COTL1: variants seen among roughly 807,000 people sequenced by gnomAD.
COTL1 encodes the protein coactosin-like protein.
A neutral mutation model predicts 16.5 loss-of-function variants in COTL1; 15 were observed. The ratio of observed to expected loss-of-function variants is 0.91; its 90% confidence interval spans 0.61 to 1.40. COTL1 has a LOEUF of 1.40. Among genes scored for constraint, COTL1 ranks in the 40% most tolerant of loss-of-function variants. The pLI is 0.00. For synonymous variants in COTL1, 112 were observed against 85.3 expected, an observed-to-expected ratio of 1.31 and a Z score of -1.73; for missense variants, 220 against 201.5, an observed-to-expected ratio of 1.09 and a Z score of -0.56.
At position 84,566,672 on chromosome 16, in the gene COTL1, G is replaced by C. The variant is rs1409783770; in HGVS notation, c.*173C>G. The C allele has an allele frequency of 5.3e-6, 3 of 568,320 alleles. No homozygotes were observed. Among genetic ancestry groups the C allele is most frequent in the African/African-American group, 3.8e-5 (2 of 52,978 alleles). The allele number at this position is 568,320 out of a possible 1,614,324, so 35.2% of individuals were successfully genotyped here. A position where few individuals can be genotyped will look rare whatever the true frequency, so the allele number is the denominator to read the frequency against. ...AGCGTCATGAGATAGGACACGGCAG[G>C]GTTCTAAGGGAAGCGGGAAGGTGGG... On this transcript the variant is annotated 3_prime_UTR_variant, in exon 4 of 4. Coordinates refer to ENST00000262428, the MANE Select transcript of COTL1 (RefSeq NM_021149.5).
chr16:84,572,099 A>T (rs893166887), intron 3 of COTL1, among the ~76,000 whole-genome samples: 4 of 152,240 alleles, frequency 2.6e-5, no homozygotes, highest in Non-Finnish European at 5.9e-5. Flanking sequence ...CTCCCATGAG[A>T]TAAGGGAGTT....
At chr16:84,612,819 T>C (rs2150697808) in intron 2 of COTL1, among the ~76,000 whole-genome samples, 1 of 152,216 alleles carries the variant, frequency 6.6e-6, no homozygotes, top group African/African-American at 2.4e-5. Flanking sequence ...GCTCTCATTT[T>C]AGGTGCATTA....
At chr16:84,591,359 A>G (rs531964376) in intron 2 of COTL1, among the ~76,000 whole-genome samples, 84 of 151,292 alleles carry the variant, frequency 5.6e-4, no homozygotes, top group Admixed American at 1.6e-3. Context: ...AATTTTTTGT[A>G]TTTTTAGTAG....
At chr16:84,610,345 G>A (rs9939637) in intron 2 of COTL1, among the ~76,000 whole-genome samples, 6,141 of 152,218 alleles carry the variant, frequency 0.04, 443 homozygotes, top group African/African-American at 0.14. Context: ...AAAGCTTCAG[G>A]CATGGCTGGA....
chr16:84,580,720 A>G (rs1904568924), intron 3 of COTL1, among the ~76,000 whole-genome samples: 4 of 152,200 alleles, frequency 2.6e-5, no homozygotes, highest in Admixed American at 2.6e-4. Context: ...TCATCTGTAT[A>G]TTGGGGTCAG....
At position 84,590,111 on chromosome 16, in the gene COTL1, G is replaced by A. The variant is rs754482793; in HGVS notation, c.312C>T (p.Val104=). 3 of 1,613,268 alleles carry A rather than the reference G, an allele frequency of 1.9e-6. No individual in the cohort carries two copies. Among genetic ancestry groups the A allele is most frequent in the Admixed American group, 3.3e-5 (2 of 59,962 alleles). ...CTCTGGAGGAACTCAGTACCTGTAC[G>A]ACCTCCTTCACCAGGGTCTTGTCCG... ...TGTDKTLVKE[V]VQNFAKEFVI... is the part of the protein sequence containing the mutation. Residue 104 remains valine (V), a synonymous_variant, in exon 3 of 4, where the codon GTC becomes GTT. Coordinates refer to ENST00000262428, the MANE Select transcript of COTL1 (RefSeq NM_021149.5). The surrounding 1 kb of genome is among the most constrained non-coding windows in gnomAD (Gnocchi z 5.5).
chr16:84,617,740 G>C (rs907084035), intron 1 of COTL1, 98 bp downstream of exon 1: 9 of 1,394,498 alleles, frequency 6.5e-6, no homozygotes, highest in South Asian at 2.5e-5. Flanking sequence ...AAGACAGCGC[G>C]GGAGGCCCGA....
At position 84,575,944 on chromosome 16, in the gene COTL1, T is replaced by C. The variant is rs186140295; in HGVS notation, c.319-8989A>G. 158 of 152,360 alleles carry C rather than the reference T, an allele frequency of 1.0e-3. 1 individual carries two copies. Among genetic ancestry groups the C allele is most frequent in the African/African-American group, 3.7e-3 (152 of 41,584 alleles). The allele number at this position is 152,360 out of a possible 1,614,324, so 9.4% of individuals were successfully genotyped here. On this transcript the variant is annotated intron_variant, in intron 3 of 3. Coordinates refer to ENST00000262428, the MANE Select transcript of COTL1 (RefSeq NM_021149.5). ...CGGAGTGCTCAACAGTCAGAGAGAA[T>C]GTTCTACAGGACTGTGGGTTCACCT...
Position 84,569,362 on chromosome 16 carries a change from T to C in COTL1, c.319-2407A>G, listed in dbSNP as rs376205079. Among the ~76,000 whole-genome samples, 22 of 152,216 alleles carry C rather than the reference T, an allele frequency of 1.4e-4. 1 individual carries two copies. The East Asian group carries it at 2.7e-3, about 19-fold the overall frequency. Reference sequence around the variant, plus strand: ...ATAAAAAGGTTCATTTTATGTTAAATGAATTCCACCACAATTAAAAAATAA... The same window carrying C: ...ATAAAAAGGTTCATTTTATGTTAAACGAATTCCACCACAATTAAAAAATAA... On this transcript the variant is annotated intron_variant, in intron 3 of 3. Coordinates refer to ENST00000262428, the MANE Select transcript of COTL1 (RefSeq NM_021149.5).
intron 3 of COTL1, chr16:84,567,691 GCAGT>G (rs1225972021): frequency 2.0e-5 from 3 of 152,314 alleles, no homozygotes; most frequent in Non-Finnish European, 4.4e-5. Flanking sequence ...CAAAATGGAT[GCAGT>G]CAGTCTTTCC....
At chr16:84,612,000 A>G (rs1244704466) in intron 2 of COTL1, among the ~76,000 whole-genome samples, 1 of 151,782 alleles carries the variant, frequency 6.6e-6, no homozygotes, top group South Asian at 2.1e-4. Context: ...TGAACCTGTG[A>G]CCCTCCAGCC....
intron 3 of COTL1, among the ~76,000 whole-genome samples, chr16:84,573,743 A>T (rs926904203): frequency 8.6e-5 from 6 of 69,882 alleles, no homozygotes; most frequent in Non-Finnish European, 1.5e-4. Context: ...TCTGTCTCAA[A>T]AAAAAAAAAA....
chr16:84,590,396 C>G lies in COTL1; in HGVS notation c.161-134G>C. 1 of 986,428 alleles carries G rather than the reference C, an allele frequency of 1.0e-6. No homozygotes were observed. Among genetic ancestry groups the G allele is most frequent in the Non-Finnish European group, 1.5e-6 (1 of 674,720 alleles). The allele number at this position is 986,428 out of a possible 1,614,324, so 61.1% of individuals were successfully genotyped here. ...AGACCGGTGCAGTTCCCTGGGAGCACCATGTGCAGAGGACAGGAGGGAAGC... is the reference window on the plus strand; with the variant it reads ...AGACCGGTGCAGTTCCCTGGGAGCAGCATGTGCAGAGGACAGGAGGGAAGC... On this transcript the variant is annotated intron_variant, in intron 2 of 3. Transcript: ENST00000262428. This position sits in a 1 kb window ranked among gnomAD's most constrained non-coding sequence, Gnocchi z 5.5.
rs1036468318 is a variant in COTL1 at position 84,566,520 on chromosome 16, A to C, written c.*325T>G. 4.4e-6 allele frequency: 1 copy of C among 225,984 alleles called. No individual in the cohort carries two copies. Among genetic ancestry groups the C allele is most frequent in the African/African-American group, 2.3e-5 (1 of 43,830 alleles). The allele number at this position is 225,984 out of a possible 1,614,324, so 14.0% of individuals were successfully genotyped here. On this transcript the variant is annotated 3_prime_UTR_variant, in exon 4 of 4. Transcript: ENST00000262428. ...CGTCGCGTGGAAGAGAAATGCCAGGAAAAGGGGTCACTGCAGGAGGCACCT... is the reference window on the plus strand; with the variant it reads ...CGTCGCGTGGAAGAGAAATGCCAGGCAAAGGGGTCACTGCAGGAGGCACCT...
chr16:84,600,583 G>C (rs1450580960), intron 2 of COTL1, among the ~76,000 whole-genome samples: 1 of 152,236 alleles, frequency 6.6e-6, no homozygotes, highest in Non-Finnish European at 1.5e-5. Flanking sequence ...AAAGAGCCAG[G>C]ATTACAGGCG....
chr16:84,595,022 A>G (rs79360255), intron 2 of COTL1: 5,011 of 152,218 alleles, frequency 0.033, 117 homozygotes, highest in East Asian at 0.066. Context: ...ACCTTGGGCA[A>G]CACCCTTTGC....
intron 3 of COTL1, among the ~76,000 whole-genome samples, chr16:84,581,124 A>AGAGT (rs1904579474): frequency 6.6e-6 from 1 of 151,032 alleles, no homozygotes; most frequent in African/African-American, 2.4e-5. Context: ...CCTAGGCAAC[A>AGAGT]GAGTGAGATT....
chr16:84,609,231 A>C (rs1375951181), intron 2 of COTL1, among the ~76,000 whole-genome samples: 1 of 152,200 alleles, frequency 6.6e-6, no homozygotes, highest in Non-Finnish European at 1.5e-5. Context: ...GAGGTCATGG[A>C]CAGCAAGTGA....
At chr16:84,573,936 G>A (rs755089622) in intron 3 of COTL1, among the ~76,000 whole-genome samples, 5 of 152,188 alleles carry the variant, frequency 3.3e-5, no homozygotes, top group East Asian at 1.9e-4. Flanking sequence ...AGGGAGAATC[G>A]CTTGAACCCC....
Sources: allele counts gnomAD v4.1 joint callset (sites outside exome capture counted in the v4.1 genomes callset), GRCh38; gene constraint gnomAD v4.1.1; non-coding constraint Gnocchi (gnomAD v3.1); transcripts MANE v1.5; gene names NCBI Gene and HGNC (gene_info 2026-07-23, HGNC 2026-07-21).